AKAP13: variants seen among roughly 807,000 people sequenced by gnomAD.
The protein encoded by AKAP13 is A-kinase anchoring protein 13.
AKAP13 carries 80 observed loss-of-function variants against 264.5 expected under a neutral mutation model. The observed-to-expected ratio is 0.30, with a 90% CI of 0.25 to 0.36. AKAP13 has a LOEUF of 0.36. AKAP13 is among the 10% of genes least tolerant of loss of function. AKAP13 has a pLI of 1.00. For synonymous variants in AKAP13, 1,380 were observed against 1,250.2 expected, an observed-to-expected ratio of 1.10 and a Z score of -2.19; for missense variants, 3,712 against 3,435.2, an observed-to-expected ratio of 1.08 and a Z score of -2.01.
chr15:85,636,858 G>T (rs1453517030), intron 8 of AKAP13, among the ~76,000 whole-genome samples: 1 of 152,158 alleles, frequency 6.6e-6, no homozygotes, highest in African/African-American at 2.4e-5. Flanking sequence ...GAAGTGATCT[G>T]CCTGCCTTGG....
At chr15:85,483,452 C>G (rs1188852366) in intron 1 of AKAP13, among the ~76,000 whole-genome samples, 1 of 151,774 alleles carries the variant, frequency 6.6e-6, no homozygotes, top group Non-Finnish European at 1.5e-5. Flanking sequence ...AGGTGAAACC[C>G]CGTCTCTACT....
chr15:85,567,946 GTGTGT>G (rs1421279673), intron 5 of AKAP13, among the ~76,000 whole-genome samples: 6 of 99,740 alleles, frequency 6.0e-5, no homozygotes, highest in African/African-American at 2.0e-4. Context: ...AAAGAGGTGT[GTGTGT>G]GTGTGTGTGT....
At chr15:85,399,502 CAAAAAAAA>C (rs71138392) in intron 1 of AKAP13, among the ~76,000 whole-genome samples, 48 of 77,080 alleles carry the variant, frequency 6.2e-4, no homozygotes, top group Admixed American at 9.0e-4. Context: ...GACTCCGTCT[CAAAAAAAA>C]AAAAAAAAAA....
rs2083499192 is a variant in AKAP13, at chr15:85,664,722, A to G, written c.4959A>G (p.Ser1653=). 1 of 1,613,876 alleles carries G rather than the reference A, an allele frequency of 6.2e-7. No individual in the cohort carries two copies. Residue 1653 remains serine (S), a synonymous_variant, in exon 13 of 37, where the codon TCA becomes TCG. Coordinates refer to ENST00000394518, the MANE Select transcript of AKAP13 (RefSeq NM_007200.5). ...LVSLSEEDLE[S]DQREHRMFDQ... Reference sequence around the variant, plus strand: ...CACTTTCAGAAGAGGATCTGGAGTCAGACCAGAGAGAACATAGGATGTTTG... The same window carrying G: ...CACTTTCAGAAGAGGATCTGGAGTCGGACCAGAGAGAACATAGGATGTTTG...
chr15:85,564,750 A>G (rs1273370311), intron 5 of AKAP13, among the ~76,000 whole-genome samples: 1 of 152,200 alleles, frequency 6.6e-6, no homozygotes, highest in African/African-American at 2.4e-5. Flanking sequence ...CGTTGTGAGT[A>G]AAAGAGAAGA....
intron 4 of AKAP13, among the ~76,000 whole-genome samples, chr15:85,542,896 G>T (rs2077618584): frequency 6.6e-6 from 1 of 152,212 alleles, no homozygotes; most frequent in Admixed American, 6.5e-5. Context: ...TTACACCTCT[G>T]TGAGTGAGGT....
intron 5 of AKAP13, among the ~76,000 whole-genome samples, chr15:85,561,206 C>T (rs146705253): frequency 0.037 from 5,680 of 151,950 alleles, 176 homozygotes; most frequent in East Asian, 0.18. Context: ...TACAGGCGCC[C>T]GCCACCACAC....
At position 85,580,735 on chromosome 15, in the gene AKAP13, C is replaced by T. The variant is rs1427709822; in HGVS notation, c.2667C>T (p.Asn889=). 4 of 1,614,170 alleles carry T rather than the reference C, an allele frequency of 2.5e-6. No homozygotes were observed. The highest frequency in any genetic ancestry group is 3.4e-6 in the Non-Finnish European group (4 of 1,180,032). ...AIPEALNIKG[N]TDSSLQSVGK... Reference sequence around the variant, plus strand: ...CAGAAGCTCTGAATATCAAGGGGAACACTGACTCTTCCCTGCAAAGTGTGG... The same window carrying T: ...CAGAAGCTCTGAATATCAAGGGGAATACTGACTCTTCCCTGCAAAGTGTGG... The change falls in exon 7 of 37, where the codon AAC becomes AAT. Residue 889 remains asparagine (N), a synonymous_variant. Transcript: ENST00000394518.
intron 9 of AKAP13, among the ~76,000 whole-genome samples, chr15:85,640,645 C>G (rs564911676): frequency 6.6e-6 from 1 of 152,234 alleles, no homozygotes; most frequent in South Asian, 2.1e-4. Context: ...GCTGACACTT[C>G]CCCCATGTAG....
At chr15:85,550,707 A>T (rs1222362983) in intron 5 of AKAP13, among the ~76,000 whole-genome samples, 1 of 152,228 alleles carries the variant, frequency 6.6e-6, no homozygotes, top group East Asian at 1.9e-4. Context: ...ATGTACAGAC[A>T]TACCTTAAAA....
In AKAP13 at chr15:85,415,144, C is replaced by T. The variant is rs1056711173; in HGVS notation, c.-12+34346C>T. 9 of 788,924 alleles carry T rather than the reference C, an allele frequency of 1.1e-5. No homozygotes were observed. The African/African-American group carries it at 1.6e-4, about 14-fold the overall frequency. The allele number at this position is 788,924 out of a possible 1,614,324, so 48.9% of individuals were successfully genotyped here. A position where few individuals can be genotyped will look rare whatever the true frequency, so the allele number is the denominator to read the frequency against. On this transcript the variant is annotated intron_variant, in intron 1 of 36. Coordinates refer to ENST00000394518, the MANE Select transcript of AKAP13 (RefSeq NM_007200.5). ...ATCCCAGGAGTTTCAGAGGGAAATA[C>T]CTTTAAAAAAAAATGAGATGTGACA...
intron 5 of AKAP13, among the ~76,000 whole-genome samples, chr15:85,549,701 G>T (rs1211749337): frequency 1.3e-5 from 2 of 152,114 alleles, no homozygotes; most frequent in Non-Finnish European, 1.5e-5. Context: ...CAAAAATTTG[G>T]CAGAGAGAAA....
chr15:85,486,986 G>A (rs1596317465), intron 2 of AKAP13, among the ~76,000 whole-genome samples: 1 of 151,998 alleles, frequency 6.6e-6, no homozygotes, highest in African/African-American at 2.4e-5. Context: ...GATCCACCCA[G>A]CTCCCAAAGT....
chr15:85,669,917 A>C, intron 14 of AKAP13, 87 bp downstream of exon 14: 2 of 946,298 alleles, frequency 2.1e-6, no homozygotes, highest in Non-Finnish European at 3.1e-6. Flanking sequence ...GCCCCATAAC[A>C]TTACCTGCCA....
At chr15:85,623,070 A>G (rs867906644) in intron 8 of AKAP13, among the ~76,000 whole-genome samples, 18 of 152,166 alleles carry the variant, frequency 1.2e-4, no homozygotes, top group South Asian at 4.1e-4. Context: ...AATTATTTCT[A>G]CAAAATTATT....
intron 1 of AKAP13, among the ~76,000 whole-genome samples, chr15:85,483,878 A>G (rs2075436946): frequency 6.6e-6 from 1 of 152,154 alleles, no homozygotes. Context: ...CTTATCAGCT[A>G]TTATTAGTGT....
intron 13 of AKAP13, among the ~76,000 whole-genome samples, chr15:85,665,771 A>T (rs576430453): frequency 3.3e-5 from 5 of 152,230 alleles, no homozygotes; most frequent in African/African-American, 1.2e-4. Context: ...GAGTGAGAAC[A>T]TGCGGTGTTT....
chr15:85,511,037 C>A (rs1298709300), intron 2 of AKAP13, among the ~76,000 whole-genome samples: 1 of 152,026 alleles, frequency 6.6e-6, no homozygotes, highest in Non-Finnish European at 1.5e-5. Context: ...TGAAAAAACC[C>A]ATTTAAGGCT....
chr15:85,562,575 ATATATATAT>A lies in AKAP13; in HGVS notation c.663-12555_663-12547del, dbSNP rs1317148689. Among the ~76,000 whole-genome samples the A allele has an allele frequency of 2.0e-4, 20 of 101,582 alleles. 2 individuals carry two copies. The East Asian group carries it at 2.1e-3, about 11-fold the overall frequency. 66.6% of individuals were successfully genotyped at this position (101,582 alleles called of 152,430 possible). A position where few individuals can be genotyped will look rare whatever the true frequency, so the allele number is the denominator to read the frequency against. On this transcript the variant is annotated intron_variant, in intron 5 of 36. Transcript: ENST00000394518. Reference sequence around the variant, plus strand: ...GTGAGAATCTGCCTCAAAAAAAAAAATATATATATATATATATATATATATATATATCTC... The same window carrying A: ...GTGAGAATCTGCCTCAAAAAAAAAAAATATATATATATATATATATATCTC...
Sources: gnomAD v4.1 joint callset for allele counts (sites outside exome capture counted in the v4.1 genomes callset) on GRCh38, gnomAD v4.1.1 for gene constraint, MANE v1.5 for transcripts, NCBI Gene and HGNC (gene_info 2026-07-23, HGNC 2026-07-21) for gene names.